The following KIN variants were observed in gnomAD, a reference collection of about 807,000 sequenced individuals.
The protein encoded by KIN is Kin17 DNA and RNA binding protein.
Under a neutral mutation model 63.0 loss-of-function variants are expected in KIN, and 47 were observed. That is an observed-to-expected ratio of 0.75 (90% CI 0.59 to 0.95). The LOEUF (loss-of-function observed/expected upper bound fraction) is 0.95. KIN is among the 40% of genes least tolerant of loss of function. The pLI is 0.00. For missense variants in KIN, 408 were observed against 460.9 expected, an observed-to-expected ratio of 0.89 and a Z score of 1.05; for synonymous variants, 160 against 157.7, an observed-to-expected ratio of 1.01 and a Z score of -0.11.
Position 7,755,794 on chromosome 10 carries a change from T to C in KIN, c.*286A>G, listed in dbSNP as rs1835321416. ...CCAATTACATGATTCTAAATTGTCATAGATAAAACACTTTATAATAACATT... is the reference window on the plus strand; with the variant it reads ...CCAATTACATGATTCTAAATTGTCACAGATAAAACACTTTATAATAACATT... On this transcript the variant is annotated 3_prime_UTR_variant, in exon 13 of 13. Transcript: ENST00000379562. 9.4e-6 allele frequency: 2 copies of C among 212,848 alleles called. No homozygotes were observed. The highest frequency in any genetic ancestry group is 3.5e-4 in the South Asian group (2 of 5,688). The allele number at this position is 212,848 out of a possible 1,614,324, so 13.2% of individuals were successfully genotyped here.
At chr10:7,773,664 A>G (rs1270617029) in intron 7 of KIN, among the ~76,000 whole-genome samples, 2 of 152,196 alleles carry the variant, frequency 1.3e-5, no homozygotes, top group Non-Finnish European at 2.9e-5. Context: ...ATCTCCTTCC[A>G]TACTCCTAGC....
In KIN at chr10:7,755,798, T is replaced by C. The variant is rs1162847449; in HGVS notation, c.*282A>G. 9.0e-6 allele frequency: 2 copies of C among 221,120 alleles called. No individual in the cohort carries two copies. Among genetic ancestry groups the C allele is most frequent in the Non-Finnish European group, 1.7e-5 (2 of 114,290 alleles). The allele number at this position is 221,120 out of a possible 1,614,324, so 13.7% of individuals were successfully genotyped here. A position where few individuals can be genotyped will look rare whatever the true frequency, so the allele number is the denominator to read the frequency against. ...TTACATGATTCTAAATTGTCATAGA[T>C]AAAACACTTTATAATAACATTCTTT... On this transcript the variant is annotated 3_prime_UTR_variant, in exon 13 of 13. Transcript: ENST00000379562.
chr10:7,762,584 A>G (rs372358625), intron 10 of KIN, 28 bp from the exon 11 acceptor site: 13 of 1,269,114 alleles, frequency 1.0e-5, no homozygotes, highest in Non-Finnish European at 1.5e-5. Context: ...CACTTTTATA[A>G]TAGAAGAAAT....
chr10:7,779,013 C>T lies in KIN; in HGVS notation c.383G>A (p.Cys128Tyr), dbSNP rs1368153046. The change falls in exon 5 of 13, where the codon TGC becomes TAC. Residue 128 changes from cysteine to tyrosine, a missense_variant. By Grantham distance (194) the Cys-to-Tyr change is radical (BLOSUM62 -2). Around this residue, in one of 2 missense-constraint regions of KIN, gnomAD observed 110 missense variants for 164.9 expected, o/e 0.67. Transcript: ENST00000379562. ...GCCTTTTGGTGTCTCGTCCACTTTG[C>T]ACAAGCCTTAAAAAAACAGCCACTG... is the stretch of plus-strand genomic sequence containing the variant. ...FTKWLGREGL[C>Y]KVDETPKGWY... The T allele has an allele frequency of 1.2e-6, 2 of 1,603,308 alleles. No homozygotes were observed. The highest frequency in any genetic ancestry group is 1.1e-5 in the South Asian group (1 of 88,850).
At chr10:7,783,274 G>T in intron 1 of KIN, 99 bp from the exon 2 acceptor site, 1 of 518,018 alleles carries the variant, frequency 1.9e-6, no homozygotes, top group Non-Finnish European at 3.2e-6. Context: ...GCTCTTTGAT[G>T]ATAAATTAAA....
intron 8 of KIN, among the ~76,000 whole-genome samples, chr10:7,766,673 C>T (rs1184942722): frequency 6.6e-6 from 1 of 151,782 alleles, no homozygotes; most frequent in Non-Finnish European, 1.5e-5. Flanking sequence ...TACAGTTAAC[C>T]CTAAGTACCA....
In KIN at chr10:7,780,036, C is replaced by G. The variant is rs750838428; in HGVS notation, c.376+20G>C. 1.4e-5 allele frequency: 22 copies of G among 1,602,412 alleles called. No individual in the cohort carries two copies. In the East Asian group the frequency reaches 4.9e-4, roughly 36 times the overall value. On this transcript the variant is annotated intron_variant, in intron 4 of 12. Transcript: ENST00000379562. ...ATTAGAAGTGGGAAAGAAAAAGCAA[C>G]TTTAAAATCTCATTCTTACCTTCTC... is the stretch of plus-strand genomic sequence containing the variant.
At position 7,752,589 on chromosome 10, in the gene KIN, G is replaced by A. The variant is rs1025142407; in HGVS notation, c.*3491C>T. The A allele has an allele frequency of 2.6e-5, 4 of 152,148 alleles. No individual in the cohort carries two copies. The highest frequency in any genetic ancestry group is 4.4e-5 in the Non-Finnish European group (3 of 68,034). The allele number at this position is 152,148 out of a possible 1,614,324, so 9.4% of individuals were successfully genotyped here. A position where few individuals can be genotyped will look rare whatever the true frequency, so the allele number is the denominator to read the frequency against. ...GTCGTTACGTAAATAAGTTGAAAAC[G>A]TCTATCCACAAAAAACCTGCGCACA... On this transcript the variant is annotated 3_prime_UTR_variant, in exon 13 of 13. Transcript: ENST00000379562.
chr10:7,770,380 C>T (rs1255724538), intron 7 of KIN, among the ~76,000 whole-genome samples: 1 of 152,196 alleles, frequency 6.6e-6, no homozygotes, highest in Non-Finnish European at 1.5e-5. Context: ...ATGCTTTCAG[C>T]CTCTGAAAAT....
chr10:7,784,542 C>G (rs549340547), intron 1 of KIN, among the ~76,000 whole-genome samples: 2 of 151,860 alleles, frequency 1.3e-5, no homozygotes, highest in African/African-American at 4.8e-5. Flanking sequence ...GAGCTATGAT[C>G]GAGCCACTGT....
intron 7 of KIN, among the ~76,000 whole-genome samples, chr10:7,770,252 T>C (rs1835640986): frequency 6.6e-6 from 1 of 152,118 alleles, no homozygotes; most frequent in South Asian, 2.1e-4. Context: ...TTCTAAATTC[T>C]TTACTGCCAA....
chr10:7,756,575 T>C (rs1835336784), intron 12 of KIN, among the ~76,000 whole-genome samples: 1 of 152,182 alleles, frequency 6.6e-6, no homozygotes, highest in South Asian at 2.1e-4. Flanking sequence ...ACATGGCAAC[T>C]GGAGATGCCA....
intron 6 of KIN, among the ~76,000 whole-genome samples, chr10:7,775,509 C>G (rs1039164790): frequency 6.6e-6 from 1 of 152,196 alleles, no homozygotes; most frequent in African/African-American, 2.4e-5. Context: ...CTCTGGGATT[C>G]TTATTATGGC....
Position 7,753,130 on chromosome 10 carries a change from C to T in KIN, c.*2950G>A, listed in dbSNP as rs1198744589. On this transcript the variant is annotated 3_prime_UTR_variant, in exon 13 of 13. Transcript: ENST00000379562. ...TATGAGACCTGTTGTTAGTTATCTG[C>T]AGTCATTTTGCTTAGCATAAACTCT... The T allele has an allele frequency of 1.3e-5, 2 of 152,198 alleles. No individual in the cohort carries two copies. The highest frequency in any genetic ancestry group is 2.9e-5 in the Non-Finnish European group (2 of 68,032). The allele number at this position is 152,198 out of a possible 1,614,324, so 9.4% of individuals were successfully genotyped here.
intron 7 of KIN, 56 bp downstream of exon 7, chr10:7,774,775 C>T: frequency 2.3e-5 from 30 of 1,309,082 alleles, no homozygotes; most frequent in Non-Finnish European, 3.2e-5. Flanking sequence ...AATACAGTAA[C>T]CAATATTTCA....
rs1306063867 is a variant in KIN, at chr10:7,751,993, C to T, written c.*4087G>A. 4.8e-3 allele frequency: 10 copies of T among 2,084 alleles called. 5 individuals carry two copies. Among genetic ancestry groups the T allele is most frequent in the Non-Finnish European group, 6.6e-3 (8 of 1,218 alleles). 0.1% of individuals were successfully genotyped at this position (2,084 alleles called of 1,614,324 possible). A position where few individuals can be genotyped will look rare whatever the true frequency, so the allele number is the denominator to read the frequency against. Reference sequence around the variant, plus strand: ...GAGCTTGCAGTGAGCCGAGATTGCGCCACTGCAGTCCGCAGTCCGGCCTGG... The same window carrying T: ...GAGCTTGCAGTGAGCCGAGATTGCGTCACTGCAGTCCGCAGTCCGGCCTGG... On this transcript the variant is annotated 3_prime_UTR_variant, in exon 13 of 13. Transcript: ENST00000379562.
intron 10 of KIN, 24 bp from the exon 11 acceptor site, chr10:7,762,580 T>C (rs754698964): frequency 1.5e-6 from 2 of 1,352,350 alleles, no homozygotes; most frequent in African/African-American, 1.4e-5. Context: ...TGAACACTTT[T>C]ATAATAGAAG....
chr10:7,776,853 G>C (rs1054448489), intron 5 of KIN, among the ~76,000 whole-genome samples: 2 of 150,594 alleles, frequency 1.3e-5, no homozygotes, highest in Non-Finnish European at 3.0e-5. Context: ...CCAGGAGTTC[G>C]AGACCAGCTT....
chr10:7,778,890 G>GT lies in KIN; in HGVS notation c.505dup (p.Thr169AsnfsTer6). ...CACTTGCTCTTCAATAAATTTGGCA[G>GT]TTTTTTCTTCATCATCAAGGTCCTG... On this transcript the variant is annotated frameshift_variant, in exon 5 of 13. Transcript: ENST00000379562. LOFTEE classifies it high-confidence loss of function. 4 of 1,614,094 alleles carry GT rather than the reference G, an allele frequency of 2.5e-6. No individual in the cohort carries two copies. The highest frequency in any genetic ancestry group is 4.5e-5 in the East Asian group (2 of 44,880).
Sources: gnomAD v4.1 joint callset for allele counts (sites outside exome capture counted in the v4.1 genomes callset) on GRCh38, gnomAD v4.1.1 for gene constraint, gnomAD v4.1.1 regional missense constraint, MANE v1.5 for transcripts, NCBI Gene and HGNC (gene_info 2026-07-23, HGNC 2026-07-21) for gene names.